The following TNR variants were observed in gnomAD, a reference collection of about 807,000 sequenced individuals.
TNR encodes tenascin R, also known as tenascin-R.
In TNR, 45 loss-of-function variants were observed where a neutral mutation model predicts 150.4. The ratio of observed to expected loss-of-function variants is 0.30; its 90% confidence interval spans 0.24 to 0.38. The LOEUF is 0.38. Among genes scored for constraint, TNR ranks in the 10% least tolerant of loss-of-function variants. The pLI is 1.00. For missense variants in TNR, 1,544 were observed against 1,759.1 expected, an observed-to-expected ratio of 0.88 and a Z score of 2.19; for synonymous variants, 687 against 678.4, an observed-to-expected ratio of 1.01 and a Z score of -0.20.
intron 8 of TNR, among the ~76,000 whole-genome samples, chr1:175,384,678 C>A (rs1286894318): frequency 6.6e-6 from 1 of 152,212 alleles, no homozygotes; most frequent in African/African-American, 2.4e-5. Flanking sequence ...CTGTTCCCCT[C>A]TCTCGTGGGA....
At chr1:175,415,479 C>T (rs1448825322) in intron 2 of TNR, among the ~76,000 whole-genome samples, 2 of 152,248 alleles carry the variant, frequency 1.3e-5, no homozygotes, top group Admixed American at 6.5e-5. Context: ...AGCCTGGGTG[C>T]TGCCTCCCAC....
At chr1:175,374,766 G>T (rs555240955) in intron 9 of TNR, among the ~76,000 whole-genome samples, 1 of 152,346 alleles carries the variant, frequency 6.6e-6, no homozygotes, top group Non-Finnish European at 1.5e-5. Context: ...CCTAAGGCAG[G>T]TGCCCTGTGG....
At chr1:175,345,831 G>A (rs1269143184) in intron 18 of TNR, among the ~76,000 whole-genome samples, 1 of 152,136 alleles carries the variant, frequency 6.6e-6, no homozygotes, top group Non-Finnish European at 1.5e-5. Flanking sequence ...AGAGTGTATA[G>A]AGTGTGAAAC....
rs552554133 is a variant in TNR at position 175,394,894 on chromosome 1, C to T, written c.1241-999G>A. ...GCCACAGGAGATGGAAACCTCATCACTGTGCATGCATGTGGATCAGAGAGG... is the reference window on the plus strand; with the variant it reads ...GCCACAGGAGATGGAAACCTCATCATTGTGCATGCATGTGGATCAGAGAGG... On this transcript the variant is annotated intron_variant, in intron 5 of 22. Coordinates refer to ENST00000367674, the MANE Select transcript of TNR (RefSeq NM_003285.3). Among the ~76,000 whole-genome samples, 3 of 152,288 alleles carry T rather than the reference C, an allele frequency of 2.0e-5. No individual in the cohort carries two copies. In the East Asian group the frequency reaches 5.8e-4, roughly 29 times the overall value.
rs1167203658 is a variant in TNR, at chr1:175,324,578, C to A, written c.3794-59G>T. On this transcript the variant is annotated intron_variant, in intron 21 of 22. Transcript: ENST00000367674. ...TTTGTCACTGCTTTATCAGGATTTT[C>A]TGGACACTTGACCCACTTCCAGCAA... is the stretch of plus-strand genomic sequence containing the variant. 5 of 1,582,528 alleles carry A rather than the reference C, an allele frequency of 3.2e-6. 1 individual carries two copies. The Admixed American group carries it at 8.7e-5, about 27-fold the overall frequency.
intron 1 of TNR, among the ~76,000 whole-genome samples, chr1:175,663,251 TC>T (rs1387512424): frequency 5.3e-5 from 8 of 152,056 alleles, no homozygotes; most frequent in Non-Finnish European, 1.5e-5. Context: ...CCTCTCTTTT[TC>T]CCCTCAGAAT....
intron 1 of TNR, among the ~76,000 whole-genome samples, chr1:175,647,421 G>C (rs1369417699): frequency 3.0e-5 from 4 of 135,470 alleles, no homozygotes; most frequent in Non-Finnish European, 6.0e-5. Flanking sequence ...AAATACGCTT[G>C]TTACTATTCG....
chr1:175,613,415 C>G (rs1663661089), intron 1 of TNR, among the ~76,000 whole-genome samples: 1 of 152,166 alleles, frequency 6.6e-6, no homozygotes, highest in Admixed American at 6.5e-5. Context: ...TGGGAACTGG[C>G]AAATCCTACA....
chr1:175,416,793 C>T (rs745690956), intron 2 of TNR, among the ~76,000 whole-genome samples: 62 of 152,026 alleles, frequency 4.1e-4, no homozygotes, highest in East Asian at 1.9e-4. Flanking sequence ...CGGATCACGA[C>T]GTCAGGAGAT....
At chr1:175,486,433 T>C (rs933011698) in intron 2 of TNR, among the ~76,000 whole-genome samples, 3 of 152,214 alleles carry the variant, frequency 2.0e-5, no homozygotes, top group Non-Finnish European at 4.4e-5. Context: ...GCTTCATCCA[T>C]GTCCCTGTAA....
At chr1:175,463,185 G>A (rs1026818068) in intron 2 of TNR, among the ~76,000 whole-genome samples, 1 of 152,208 alleles carries the variant, frequency 6.6e-6, no homozygotes, top group African/African-American at 2.4e-5. Context: ...GGAGACAGCA[G>A]GTGACCTTTA....
intron 1 of TNR, among the ~76,000 whole-genome samples, chr1:175,647,435 CAA>C (rs397745737): frequency 3.3e-5 from 4 of 121,622 alleles, no homozygotes; most frequent in Non-Finnish European, 3.6e-5. Flanking sequence ...CTATTCGGTG[CAA>C]AAAAAAAAAA....
chr1:175,650,827 C>T (rs1664948549), intron 1 of TNR, among the ~76,000 whole-genome samples: 5 of 23,990 alleles, frequency 2.1e-4, no homozygotes, highest in South Asian at 1.4e-3. Flanking sequence ...CACCTCCTTA[C>T]TACCCCTCCC....
At chr1:175,711,889 G>T (rs1667028276) in intron 1 of TNR, among the ~76,000 whole-genome samples, 1 of 152,220 alleles carries the variant, frequency 6.6e-6, no homozygotes, top group Non-Finnish European at 1.5e-5. Flanking sequence ...TATAAGTTCA[G>T]TTTTGAACTT....
Position 175,466,163 on chromosome 1 carries a change from A to C in TNR, c.-63-59386T>G, listed in dbSNP as rs549094928. ...GATCCTCAAAACAATCCTGTGAATT[A>C]AATATTATGAGCCTCATTTTATACA... On this transcript the variant is annotated intron_variant, in intron 2 of 22. Transcript: ENST00000367674. Among the ~76,000 whole-genome samples the C allele has an allele frequency of 9.2e-4, 140 of 152,300 alleles. 1 individual carries two copies. The highest frequency in any genetic ancestry group is 8.6e-3 in the Admixed American group (132 of 15,296).
intron 4 of TNR, among the ~76,000 whole-genome samples, chr1:175,400,607 G>A (rs1653661596): frequency 6.6e-6 from 1 of 152,144 alleles, no homozygotes; most frequent in South Asian, 2.1e-4. Context: ...GCAGACCTAG[G>A]GGGCCTCAGA....
chr1:175,406,194 G>T, intron 3 of TNR, 22 bp downstream of exon 3: 3 of 1,605,516 alleles, frequency 1.9e-6, no homozygotes, highest in South Asian at 1.1e-5. Flanking sequence ...CTGAGACCAC[G>T]CTGCGAGCTC....
intron 2 of TNR, among the ~76,000 whole-genome samples, chr1:175,441,453 T>C (rs1655785442): frequency 6.6e-6 from 1 of 152,234 alleles, no homozygotes; most frequent in South Asian, 2.1e-4. Context: ...CTTACTTTTA[T>C]ACCAACTTAA....
At chr1:175,335,964 C>T (rs538626036) in intron 19 of TNR, among the ~76,000 whole-genome samples, 157 bp from the exon 20 acceptor site, 3 of 152,310 alleles carry the variant, frequency 2.0e-5, no homozygotes, top group African/African-American at 7.2e-5. Context: ...CAGAGCAGAG[C>T]TCAGTATTTA....
Sources: gnomAD v4.1 joint callset for allele counts (sites outside exome capture counted in the v4.1 genomes callset) on GRCh38, gnomAD v4.1.1 for gene constraint, MANE v1.5 for transcripts, NCBI Gene and HGNC (gene_info 2026-07-23, HGNC 2026-07-21) for gene names.